PREX1: variants seen among roughly 807,000 people sequenced by gnomAD.
The protein encoded by PREX1 is phosphatidylinositol-3,4,5-trisphosphate dependent Rac exchange factor 1.
In PREX1, 41 loss-of-function variants were observed where a neutral mutation model predicts 198.3. The observed-to-expected ratio is 0.21, with a 90% CI of 0.16 to 0.27. PREX1 has a LOEUF of 0.27. PREX1 is among the 10% of genes least tolerant of loss of function. The pLI is 1.00. For missense variants in PREX1, 1,620 were observed against 2,200.7 expected (o/e 0.74, Z 5.28); for synonymous variants, 843 against 887.2 (o/e 0.95, Z 0.89).
At chr20:48,692,965 C>T (rs1014670183) in intron 7 of PREX1, among the ~76,000 whole-genome samples, 175 bp from the exon 8 acceptor site, 4 of 152,160 alleles carry the variant, frequency 2.6e-5, no homozygotes, top group Non-Finnish European at 1.5e-5. Context: ...GAACAAGTCA[C>T]TTCTCTTCCA....
intron 19 of PREX1, among the ~76,000 whole-genome samples, chr20:48,654,470 C>T (rs2089526843): frequency 6.6e-6 from 1 of 152,200 alleles, no homozygotes; most frequent in Non-Finnish European, 1.5e-5. Context: ...GCACGTTTAG[C>T]AGGATCCCTG....
chr20:48,824,075 A>G (rs2090498822), intron 1 of PREX1, among the ~76,000 whole-genome samples: 1 of 152,222 alleles, frequency 6.6e-6, no homozygotes, highest in African/African-American at 2.4e-5. Context: ...TGCCCAGAGC[A>G]CACGGGGAGT....
At chr20:48,847,742 C>A in the PREX1 span, among the ~76,000 whole-genome samples, 1 of 152,184 alleles carries the variant, frequency 6.6e-6, no homozygotes, top group African/African-American at 2.4e-5. Flanking sequence ...GTACACCCTT[C>A]CAATCGAGAT....
chr20:48,769,805 C>T (rs1464116833), intron 1 of PREX1, among the ~76,000 whole-genome samples: 1 of 152,202 alleles, frequency 6.6e-6, no homozygotes, highest in Non-Finnish European at 1.5e-5. Flanking sequence ...TCCCAGCAGC[C>T]CAGCCCTCTA....
At chr20:48,800,375 C>T (rs144120332) in intron 1 of PREX1, among the ~76,000 whole-genome samples, 20 of 152,284 alleles carry the variant, frequency 1.3e-4, no homozygotes, top group African/African-American at 4.6e-4. Context: ...GTTTTAAAAC[C>T]AGAACAGTCC....
At chr20:48,758,473 G>A (rs560374616) in intron 1 of PREX1, among the ~76,000 whole-genome samples, 4 of 152,168 alleles carry the variant, frequency 2.6e-5, no homozygotes, top group Admixed American at 6.5e-5. Flanking sequence ...CCCGAGCTTG[G>A]GGGGGTGAAA....
intron 3 of PREX1, among the ~76,000 whole-genome samples, chr20:48,743,992 GAT>G (rs1491341219): frequency 2.7e-5 from 2 of 75,318 alleles, no homozygotes; most frequent in Admixed American, 1.5e-4. Flanking sequence ...GTGAGTTAGT[GAT>G]GATGATGATG....
At chr20:48,707,335 A>G (rs6012516) in intron 6 of PREX1, among the ~76,000 whole-genome samples, 50,256 of 152,120 alleles carry the variant, frequency 0.33, 11,807 homozygotes, top group African/African-American at 0.67. Context: ...CCCAGCAGAA[A>G]GAGCGCAGGG....
At chr20:48,747,097 G>A (rs905783661) in intron 2 of PREX1, among the ~76,000 whole-genome samples, 2 of 152,086 alleles carry the variant, frequency 1.3e-5, no homozygotes, top group African/African-American at 4.8e-5. Context: ...ATAATTCGGT[G>A]TAGAGCTGTC....
chr20:48,701,786 G>A (rs1327497070), intron 6 of PREX1, among the ~76,000 whole-genome samples: 1 of 152,098 alleles, frequency 6.6e-6, no homozygotes, highest in East Asian at 1.9e-4. Flanking sequence ...TCCCAAACCT[G>A]GTCACCTATG....
chr20:48,866,754 C>T, the PREX1 span, among the ~76,000 whole-genome samples: 2 of 151,940 alleles, frequency 1.3e-5, no homozygotes, highest in Non-Finnish European at 2.9e-5. Flanking sequence ...TGGCAAAAAT[C>T]CATCTCTACC....
intron 15 of PREX1, among the ~76,000 whole-genome samples, chr20:48,662,913 G>A (rs918755140): frequency 1.3e-5 from 2 of 152,182 alleles, no homozygotes; most frequent in African/African-American, 4.8e-5. Flanking sequence ...AATAGCAGCT[G>A]GGGAGGACCC....
chr20:48,887,385 A>G, the PREX1 span, among the ~76,000 whole-genome samples: 1 of 152,050 alleles, frequency 6.6e-6, no homozygotes, highest in Admixed American at 6.6e-5. Context: ...ACTGGTCAAC[A>G]TGGAAAACAT....
intron 25 of PREX1, among the ~76,000 whole-genome samples, chr20:48,646,988 C>A (rs1376622252): frequency 6.6e-6 from 1 of 152,266 alleles, no homozygotes; most frequent in Non-Finnish European, 1.5e-5. Context: ...CGCCTGTAAT[C>A]CCAACACTTT....
At chr20:48,843,434 C>T in the PREX1 span, among the ~76,000 whole-genome samples, 1 of 152,104 alleles carries the variant, frequency 6.6e-6, no homozygotes. Context: ...TTAACTGGAG[C>T]CCCAGTACTA....
intron 3 of PREX1, among the ~76,000 whole-genome samples, 166 bp from the exon 4 acceptor site, chr20:48,734,816 T>C (rs1310377727): frequency 6.6e-6 from 1 of 152,168 alleles, no homozygotes; most frequent in Admixed American, 6.5e-5. Flanking sequence ...CACTACCAGC[T>C]TCCCAGCCTC....
intron 10 of PREX1, among the ~76,000 whole-genome samples, chr20:48,687,245 A>G (rs1471111056): frequency 6.6e-6 from 1 of 152,108 alleles, no homozygotes; most frequent in Non-Finnish European, 1.5e-5. Flanking sequence ...ACAAGCCCAC[A>G]TCTCCATGTG....
chr20:48,878,521 A>C, the PREX1 span, among the ~76,000 whole-genome samples: 1 of 151,958 alleles, frequency 6.6e-6, no homozygotes, highest in East Asian at 1.9e-4. Context: ...TTGTATTTTT[A>C]GTAGTGATGG....
chr20:48,708,846 G>A (rs897284473), intron 5 of PREX1, among the ~76,000 whole-genome samples: 6 of 152,124 alleles, frequency 3.9e-5, no homozygotes, highest in Admixed American at 3.9e-4. Flanking sequence ...TGTCTGGGGT[G>A]GAATAAACGA....
Sources: allele counts gnomAD v4.1 joint callset (sites outside exome capture counted in the v4.1 genomes callset), GRCh38; gene constraint gnomAD v4.1.1; transcripts MANE v1.5; gene names NCBI Gene and HGNC (gene_info 2026-07-23, HGNC 2026-07-21).